The following KCNH8 variants were observed in gnomAD, a reference collection of about 807,000 sequenced individuals.
KCNH8 encodes voltage-gated delayed rectifier potassium channel KCNH8.
KCNH8 carries 70 observed loss-of-function variants against 103.6 expected under a neutral mutation model. The observed-to-expected ratio is 0.68, with a 90% CI of 0.56 to 0.82. The LOEUF is 0.82. KCNH8 is among the 40% of genes least tolerant of loss of function. The pLI, the probability that KCNH8 is intolerant of heterozygous loss-of-function variation, is 0.00. For synonymous variants in KCNH8, 498 were observed against 489.4 expected (o/e 1.02, Z -0.23); for missense variants, 1,217 against 1,329.9 (o/e 0.92, Z 1.32).
chr3:19,309,268 TG>T (rs2065179535), intron 3 of KCNH8, among the ~76,000 whole-genome samples: 1 of 151,976 alleles, frequency 6.6e-6, no homozygotes, highest in African/African-American at 2.4e-5. Context: ...AAGAGAGGGA[TG>T]TTCCCTCAAA....
At position 19,445,683 on chromosome 3, in the gene KCNH8, A is replaced by G. The variant is rs2067352729; in HGVS notation, c.1376-4423A>G. Among the ~76,000 whole-genome samples the G allele has an allele frequency of 2.0e-5, 3 of 151,968 alleles. No homozygotes were observed. In the South Asian group the frequency reaches 6.2e-4, roughly 32 times the overall value. On this transcript the variant is annotated intron_variant, in intron 8 of 15. Coordinates refer to ENST00000328405, the MANE Select transcript of KCNH8 (RefSeq NM_144633.3). ...CAAAATTTTGGTGATAACTGCAAAA[A>G]TACCCAAAAAAATCATTTTAAAAGG... is the stretch of plus-strand genomic sequence containing the variant.
At chr3:19,474,314 G>A (rs2067925872) in intron 11 of KCNH8, among the ~76,000 whole-genome samples, 1 of 152,192 alleles carries the variant, frequency 6.6e-6, no homozygotes, top group Non-Finnish European at 1.5e-5. Context: ...GAGGCAGTCT[G>A]CTTACAGCGC....
At chr3:19,418,355 G>C (rs903682696) in intron 7 of KCNH8, among the ~76,000 whole-genome samples, 12 of 152,166 alleles carry the variant, frequency 7.9e-5, no homozygotes, top group Admixed American at 2.0e-4. Flanking sequence ...ATGAAATTAA[G>C]TTCTGAAAAA....
intron 1 of KCNH8, among the ~76,000 whole-genome samples, chr3:19,190,255 C>A (rs1205155388): frequency 6.6e-6 from 1 of 151,642 alleles, no homozygotes; most frequent in African/African-American, 2.4e-5. Flanking sequence ...AAATTTTATT[C>A]ACTTCCTTTT....
chr3:19,237,234 A>T (rs1356767824), intron 1 of KCNH8, among the ~76,000 whole-genome samples: 1 of 152,206 alleles, frequency 6.6e-6, no homozygotes, highest in Non-Finnish European at 1.5e-5. Flanking sequence ...TTCAGATATT[A>T]TTCAGTCAGT....
At chr3:19,259,564 G>A (rs1185734777) in intron 2 of KCNH8, among the ~76,000 whole-genome samples, 1 of 151,644 alleles carries the variant, frequency 6.6e-6, no homozygotes, top group Non-Finnish European at 1.5e-5. Context: ...GTCCCAATTT[G>A]TTGCCCCAGT....
chr3:19,287,266 G>A (rs2064844842), intron 3 of KCNH8, among the ~76,000 whole-genome samples: 1 of 152,136 alleles, frequency 6.6e-6, no homozygotes, highest in Non-Finnish European at 1.5e-5. Flanking sequence ...TAATAATGGT[G>A]AGACATTAGA....
At chr3:19,416,807 C>T (rs1450518902) in intron 7 of KCNH8, among the ~76,000 whole-genome samples, 1 of 152,106 alleles carries the variant, frequency 6.6e-6, no homozygotes, top group African/African-American at 2.4e-5. Flanking sequence ...ATGCACATGG[C>T]TGAATTTTTA....
At chr3:19,500,432 G>T (rs537537768) in intron 11 of KCNH8, among the ~76,000 whole-genome samples, 172 of 152,096 alleles carry the variant, frequency 1.1e-3, no homozygotes, top group Admixed American at 2.1e-3. Flanking sequence ...TGCACCAAGC[G>T]GACCTAATAG....
chr3:19,154,438 A>T (rs2063160719), intron 1 of KCNH8, among the ~76,000 whole-genome samples: 1 of 152,218 alleles, frequency 6.6e-6, no homozygotes, highest in Non-Finnish European at 1.5e-5. Context: ...ATATTTTGGT[A>T]AAAAACTATG....
intron 1 of KCNH8, among the ~76,000 whole-genome samples, chr3:19,151,825 T>G (rs2063133258): frequency 6.6e-6 from 1 of 151,980 alleles, no homozygotes; most frequent in Admixed American, 6.6e-5. Context: ...TTTTCTGATA[T>G]GCAATATAAT....
intron 5 of KCNH8, among the ~76,000 whole-genome samples, chr3:19,371,126 G>C (rs1335336611): frequency 2.6e-5 from 4 of 151,418 alleles, no homozygotes; most frequent in Admixed American, 2.6e-4. Flanking sequence ...TATATACCCA[G>C]TAATGGGATG....
intron 1 of KCNH8, among the ~76,000 whole-genome samples, chr3:19,165,596 A>T (rs949160681): frequency 1.3e-5 from 2 of 152,152 alleles, no homozygotes; most frequent in Non-Finnish European, 2.9e-5. Flanking sequence ...CTAACAAGAG[A>T]GGTAAATTCC....
At chr3:19,450,848 A>G in intron 9 of KCNH8, 1 of 322,828 alleles carries the variant, frequency 3.1e-6, no homozygotes, top group Non-Finnish European at 5.8e-6. Flanking sequence ...TCCAAATTCC[A>G]TATCTTCTGT....
At chr3:19,174,110 A>C (rs2125196035) in intron 1 of KCNH8, among the ~76,000 whole-genome samples, 1 of 152,032 alleles carries the variant, frequency 6.6e-6, no homozygotes, top group Non-Finnish European at 1.5e-5. Context: ...ACTGATAAAA[A>C]GAAGTAAGAA....
chr3:19,258,945 CTCTATATATATATA>C (rs1225518356), intron 2 of KCNH8, among the ~76,000 whole-genome samples: 90 of 42,246 alleles, frequency 2.1e-3, no homozygotes, highest in South Asian at 4.1e-3. Context: ...CTCTCTCTCT[CTCTATATATATATA>C]TATATATATA....
intron 1 of KCNH8, among the ~76,000 whole-genome samples, chr3:19,195,181 C>A (rs1213069628): frequency 6.6e-6 from 1 of 151,638 alleles, no homozygotes; most frequent in Non-Finnish European, 1.5e-5. Context: ...GTCTCATAAC[C>A]CCATTTTTCT....
At chr3:19,532,786 C>T (rs1051113269) in intron 15 of KCNH8, among the ~76,000 whole-genome samples, 1 of 152,208 alleles carries the variant, frequency 6.6e-6, no homozygotes, top group Non-Finnish European at 1.5e-5. Flanking sequence ...TCCCAGACTA[C>T]TTATGCCCCT....
At chr3:19,404,847 G>A (rs558027026) in intron 7 of KCNH8, among the ~76,000 whole-genome samples, 1 of 151,668 alleles carries the variant, frequency 6.6e-6, no homozygotes, top group East Asian at 1.9e-4. Context: ...ATTAAATATA[G>A]CATTTTAATC....
Sources: gnomAD v4.1 joint callset for allele counts (sites outside exome capture counted in the v4.1 genomes callset) on GRCh38, gnomAD v4.1.1 for gene constraint, MANE v1.5 for transcripts, NCBI Gene and HGNC (gene_info 2026-07-23, HGNC 2026-07-21) for gene names.